Variants in LRRC8B observed in about 807,000 individuals in gnomAD.
The protein encoded by LRRC8B is volume-regulated anion channel subunit LRRC8B.
In LRRC8B, 23 loss-of-function variants were observed where a neutral mutation model predicts 58.8. The ratio of observed to expected loss-of-function variants is 0.39; its 90% confidence interval spans 0.28 to 0.55. LRRC8B has a LOEUF of 0.55. Among genes scored for constraint, LRRC8B ranks in the 20% least tolerant of loss-of-function variants. The pLI is 0.62. For synonymous variants in LRRC8B, 359 were observed against 374.1 expected (o/e 0.96, Z 0.47); for missense variants, 694 against 936.0 (o/e 0.74, Z 3.37).
intron 1 of LRRC8B, among the ~76,000 whole-genome samples, chr1:89,554,055 T>C (rs1242572594): frequency 1.1e-4 from 17 of 152,190 alleles, no homozygotes; most frequent in Admixed American, 1.1e-3. Context: ...ATTTCTCAGG[T>C]GCCTGTTATG....
At chr1:89,579,019 A>C (rs992694058) in intron 3 of LRRC8B, among the ~76,000 whole-genome samples, 1 of 152,176 alleles carries the variant, frequency 6.6e-6, no homozygotes, top group African/African-American at 2.4e-5. Flanking sequence ...TTAACTTATC[A>C]CTTTTTCTAA....
intron 1 of LRRC8B, among the ~76,000 whole-genome samples, chr1:89,544,810 A>G (rs936677124): frequency 1.3e-5 from 2 of 152,250 alleles, no homozygotes; most frequent in African/African-American, 4.8e-5. Context: ...GCAGTTTGAT[A>G]TGAATGATTT....
At chr1:89,549,353 T>G (rs888059547) in intron 1 of LRRC8B, among the ~76,000 whole-genome samples, 2 of 152,216 alleles carry the variant, frequency 1.3e-5, no homozygotes, top group African/African-American at 4.8e-5. Flanking sequence ...CCTGTTGATA[T>G]GCTAAATATA....
At chr1:89,561,922 T>C (rs1263751545) in intron 1 of LRRC8B, among the ~76,000 whole-genome samples, 1 of 152,170 alleles carries the variant, frequency 6.6e-6, no homozygotes, top group African/African-American at 2.4e-5. Context: ...TTGTCTCCTT[T>C]TATATGCCTT....
chr1:89,559,627 T>TACAC (rs1197545100), intron 1 of LRRC8B, among the ~76,000 whole-genome samples: 1,529 of 137,258 alleles, frequency 0.011, 15 homozygotes, highest in Middle Eastern at 0.018. Context: ...TATATATATA[T>TACAC]ATACACACAC....
At chr1:89,550,552 C>T (rs935572496) in intron 1 of LRRC8B, among the ~76,000 whole-genome samples, 7 of 152,172 alleles carry the variant, frequency 4.6e-5, no homozygotes, top group African/African-American at 1.7e-4. Flanking sequence ...TATGCCAAAC[C>T]TTTAATAAAG....
In LRRC8B at chr1:89,542,645, C is replaced by T. The variant is rs901727410; in HGVS notation, c.-241+17623C>T. Among the ~76,000 whole-genome samples, 3 of 152,132 alleles carry T rather than the reference C, an allele frequency of 2.0e-5. 1 individual carries two copies. Among genetic ancestry groups the T allele is most frequent in the Middle Eastern group, 6.3e-3 (2 of 316 alleles). On this transcript the variant is annotated intron_variant, in intron 1 of 5. Transcript: ENST00000330947. ...TGCTCGTTTTACTATTATGAATTTA[C>T]TATTTGTGCATGTTTAGATAAGTCA...
intron 3 of LRRC8B, among the ~76,000 whole-genome samples, chr1:89,575,531 A>C (rs567966930): frequency 1.3e-5 from 2 of 152,194 alleles, no homozygotes; most frequent in African/African-American, 4.8e-5. Context: ...ACAGAATCTC[A>C]AGAAATAAAA....
Position 89,583,820 on chromosome 1 carries a change from G to A in LRRC8B, c.1170G>A (p.Glu390=), listed in dbSNP as rs749659602. The A allele has an allele frequency of 1.2e-6, 2 of 1,614,048 alleles. No homozygotes were observed. The highest frequency in any genetic ancestry group is 1.7e-6 in the Non-Finnish European group (2 of 1,180,038). Reference sequence around the variant, plus strand: ...AACGCTTCTCCATATTCCTATCAGAGGTCAGTGAGAACAAACTGAAACAGA... The same window carrying A: ...AACGCTTCTCCATATTCCTATCAGAAGTCAGTGAGAACAAACTGAAACAGA... ...YSKRFSIFLS[E]VSENKLKQIN... Residue 390 remains glutamate, a synonymous_variant, in exon 5 of 6, where the codon GAG becomes GAA. Transcript: ENST00000330947. The surrounding 1 kb of genome is among the most constrained non-coding windows in gnomAD (Gnocchi z 5.2).
intron 1 of LRRC8B, among the ~76,000 whole-genome samples, chr1:89,554,039 G>A (rs1432979334): frequency 6.6e-6 from 1 of 152,102 alleles, no homozygotes; most frequent in African/African-American, 2.4e-5. Context: ...ACCCCCTAAA[G>A]CAATAATTTC....
chr1:89,577,738 T>C lies in LRRC8B; in HGVS notation c.-124-1853T>C, dbSNP rs552544319. 5.9e-5 allele frequency among the ~76,000 whole-genome samples: 9 copies of C among 152,278 alleles called. No homozygotes were observed. The East Asian group carries it at 1.2e-3, about 20-fold the overall frequency. On this transcript the variant is annotated intron_variant, in intron 3 of 5. Coordinates refer to ENST00000330947, the MANE Select transcript of LRRC8B (RefSeq NM_001369817.2). The stretch of plus-strand genomic sequence containing the variant: ...AAGTTTTAGTTCAGTAGAAAATATT[T>C]AGTAGGAAAATGTTTAGCTGAGAAA...
At chr1:89,538,787 C>A (rs1650732430) in intron 1 of LRRC8B, among the ~76,000 whole-genome samples, 1 of 152,124 alleles carries the variant, frequency 6.6e-6, no homozygotes, top group Non-Finnish European at 1.5e-5. Flanking sequence ...GTGACATGAT[C>A]TCAGCTCACT....
At chr1:89,558,984 C>T (rs1429686538) in intron 1 of LRRC8B, 1 of 152,196 alleles carries the variant, frequency 6.6e-6, no homozygotes, top group East Asian at 1.9e-4. Flanking sequence ...CAGTCAATGC[C>T]TTAGCCCTTG....
chr1:89,553,006 C>G (rs1651934056), intron 1 of LRRC8B, among the ~76,000 whole-genome samples: 1 of 152,092 alleles, frequency 6.6e-6, no homozygotes, highest in Admixed American at 6.6e-5. Context: ...GGTTTCACTT[C>G]CTGGTTAGTG....
At chr1:89,525,201 T>C (rs1203563881) in intron 1 of LRRC8B, among the ~76,000 whole-genome samples, 179 bp downstream of exon 1, 1 of 152,112 alleles carries the variant, frequency 6.6e-6, no homozygotes, top group Non-Finnish European at 1.5e-5. Flanking sequence ...CAGAGACGAG[T>C]GGCCGCTTCG....
At chr1:89,573,331 A>G (rs1354916870) in intron 3 of LRRC8B, among the ~76,000 whole-genome samples, 4 of 151,834 alleles carry the variant, frequency 2.6e-5, no homozygotes, top group African/African-American at 9.7e-5. Context: ...AACAACTCAG[A>G]TGTCATTAGG....
At chr1:89,544,046 T>C (rs1047025876) in intron 1 of LRRC8B, among the ~76,000 whole-genome samples, 1 of 152,224 alleles carries the variant, frequency 6.6e-6, no homozygotes, top group Non-Finnish European at 1.5e-5. Context: ...TTCTCCCTCC[T>C]TGGCCTCCCA....
At chr1:89,527,058 A>G (rs1649755230) in intron 1 of LRRC8B, 1 of 152,196 alleles carries the variant, frequency 6.6e-6, no homozygotes. Flanking sequence ...AGACTAATCC[A>G]TGTATTTTCC....
At chr1:89,537,747 A>G (rs1650642929) in intron 1 of LRRC8B, among the ~76,000 whole-genome samples, 2 of 152,170 alleles carry the variant, frequency 1.3e-5, no homozygotes, top group Non-Finnish European at 1.5e-5. Context: ...TGCTGGGATT[A>G]CAGGCATGAG....
Sources: allele counts gnomAD v4.1 joint callset (sites outside exome capture counted in the v4.1 genomes callset), GRCh38; gene constraint gnomAD v4.1.1; non-coding constraint Gnocchi (gnomAD v3.1); transcripts MANE v1.5; gene names NCBI Gene and HGNC (gene_info 2026-07-23, HGNC 2026-07-21).